Variants in C2orf80 observed in about 807,000 individuals in gnomAD.
C2orf80 encodes chromosome 2 open reading frame 80, also known as uncharacterized protein C2orf80.
In C2orf80, 28 loss-of-function variants were observed where a neutral mutation model predicts 30.2. The observed-to-expected ratio is 0.93, with a 90% CI of 0.69 to 1.27. The LOEUF (loss-of-function observed/expected upper bound fraction) is 1.27. Ranked by LOEUF, C2orf80 falls within the 50% of genes most tolerant of loss-of-function variation. C2orf80 has a pLI of 0.00. For synonymous variants in C2orf80, 80 were observed against 76.4 expected (o/e 1.05, Z -0.24); for missense variants, 220 against 231.0 (o/e 0.95, Z 0.31).
At chr2:208,189,279 A>C (rs1000921503) in intron 1 of C2orf80, among the ~76,000 whole-genome samples, 1 of 152,112 alleles carries the variant, frequency 6.6e-6, no homozygotes, top group Non-Finnish European at 1.5e-5. Context: ...TAATATTTGC[A>C]TTGCTTCGTT....
intron 3 of C2orf80, among the ~76,000 whole-genome samples, chr2:208,184,468 T>G (rs1340521612): frequency 1.3e-5 from 2 of 152,194 alleles, no homozygotes; most frequent in Non-Finnish European, 2.9e-5. Flanking sequence ...TTTGCTAATT[T>G]CTTTTGAGTT....
chr2:208,182,890 T>C (rs1453199228), intron 4 of C2orf80, 75 bp downstream of exon 4: 5 of 1,194,836 alleles, frequency 4.2e-6, no homozygotes, highest in Non-Finnish European at 5.0e-6. Flanking sequence ...TGGAAGATGT[T>C]AGGGCTGGAA....
chr2:208,180,219 G>A (rs1230550773), intron 6 of C2orf80, among the ~76,000 whole-genome samples: 1 of 152,064 alleles, frequency 6.6e-6, no homozygotes, highest in Non-Finnish European at 1.5e-5. Flanking sequence ...GGAGGCCAAG[G>A]CAAGCAGATC....
At chr2:208,174,349 G>A (rs1159657570) in intron 6 of C2orf80, among the ~76,000 whole-genome samples, 1 of 152,148 alleles carries the variant, frequency 6.6e-6, no homozygotes, top group Non-Finnish European at 1.5e-5. Context: ...AATTCGGTCT[G>A]AGTCAGCATC....
At chr2:208,185,073 C>G (rs11903894) in intron 2 of C2orf80, 41 bp from the exon 3 acceptor site, 1 of 1,483,542 alleles carries the variant, frequency 6.7e-7, no homozygotes, top group South Asian at 1.2e-5. Context: ...TGGAGTGACA[C>G]GGGCTCAGTC....
intron 3 of C2orf80, among the ~76,000 whole-genome samples, chr2:208,183,299 G>C (rs1430117323): frequency 1.5e-5 from 2 of 137,238 alleles, no homozygotes; most frequent in African/African-American, 2.6e-5. Flanking sequence ...CACTAGAGCA[G>C]TTATCTGATT....
At position 208,167,521 on chromosome 2, in the gene C2orf80, C is replaced by CA. The variant is rs573297735; in HGVS notation, c.574-1707dup. ...TGGGCAACAAAGCAAGACTCTGTCT[C>CA]AAAAAAAACAAAAAACAAACAAACA... On this transcript the variant is annotated intron_variant, in intron 8 of 8. Coordinates refer to ENST00000341287, the MANE Select transcript of C2orf80 (RefSeq NM_001099334.3). Among the ~76,000 whole-genome samples the CA allele has an allele frequency of 3.1e-4, 47 of 150,192 alleles. 1 individual carries two copies. Among genetic ancestry groups the CA allele is most frequent in the Non-Finnish European group, 3.1e-4 (21 of 67,468 alleles).
intron 3 of C2orf80, 75 bp from the exon 4 acceptor site, chr2:208,183,122 A>T: frequency 2.6e-6 from 3 of 1,137,570 alleles, no homozygotes; most frequent in Non-Finnish European, 4.0e-6. Flanking sequence ...CCCAATGACA[A>T]TGGGACTGCT....
chr2:208,166,101 G>A (rs1432822883), intron 8 of C2orf80, among the ~76,000 whole-genome samples: 6 of 152,280 alleles, frequency 3.9e-5, no homozygotes, highest in African/African-American at 1.4e-4. Context: ...GACAAAATTG[G>A]TGTATAGAGA....
chr2:208,165,700 A>C lies in C2orf80; in HGVS notation c.*107T>G. ...ACACTTCAGTGCAGTTGTACCAAAA[A>C]CAGTTGTAAAGAAAAATGTACTGGC... On this transcript the variant is annotated 3_prime_UTR_variant, in exon 9 of 9. Coordinates refer to ENST00000341287, the MANE Select transcript of C2orf80 (RefSeq NM_001099334.3). 1 of 1,506,312 alleles carries C rather than the reference A, an allele frequency of 6.6e-7. No individual in the cohort carries two copies. The highest frequency in any genetic ancestry group is 9.1e-7 in the Non-Finnish European group (1 of 1,102,120). The allele number at this position is 1,506,312 out of a possible 1,614,324, so 93.3% of individuals were successfully genotyped here. A position where few individuals can be genotyped will look rare whatever the true frequency, so the allele number is the denominator to read the frequency against.
chr2:208,187,732 G>T (rs1696759559), intron 1 of C2orf80, among the ~76,000 whole-genome samples: 1 of 151,540 alleles, frequency 6.6e-6, no homozygotes, highest in African/African-American at 2.4e-5. Context: ...TTTATTTTAT[G>T]GTTGGGCCTC....
chr2:208,188,339 T>C (rs1170166607), intron 1 of C2orf80, among the ~76,000 whole-genome samples: 2 of 152,132 alleles, frequency 1.3e-5, no homozygotes, highest in Non-Finnish European at 1.5e-5. Context: ...AATGGTACCA[T>C]ATAAACACTA....
chr2:208,184,857 T>G, intron 3 of C2orf80, 94 bp downstream of exon 3: 1 of 989,652 alleles, frequency 1.0e-6, no homozygotes, highest in Non-Finnish European at 1.5e-6. Context: ...GGTGTCAATA[T>G]TAGCCTTGTT....
At chr2:208,186,843 G>T in intron 2 of C2orf80, 103 bp downstream of exon 2, 1 of 1,027,806 alleles carries the variant, frequency 9.7e-7, no homozygotes, top group Non-Finnish European at 1.5e-6. Context: ...TGCAGAAATA[G>T]ATTCTTAGAT....
chr2:208,189,442 T>C (rs1462915322), intron 1 of C2orf80, among the ~76,000 whole-genome samples: 1 of 152,164 alleles, frequency 6.6e-6, no homozygotes, highest in Non-Finnish European at 1.5e-5. Context: ...CAGAAGACCC[T>C]GTGAGGCCAC....
chr2:208,168,818 G>T (rs1376162625), intron 8 of C2orf80, among the ~76,000 whole-genome samples: 2 of 126,258 alleles, frequency 1.6e-5, no homozygotes, highest in Non-Finnish European at 3.2e-5. Context: ...ACTAAAACAT[G>T]GGCATTTGTT....
intron 8 of C2orf80, among the ~76,000 whole-genome samples, chr2:208,169,370 T>C (rs959109404): frequency 6.6e-6 from 1 of 151,952 alleles, no homozygotes; most frequent in Non-Finnish European, 1.5e-5. Flanking sequence ...CAAACACGTA[T>C]AAAAAATGAC....
chr2:208,181,286 T>G lies in C2orf80; in HGVS notation c.226A>C (p.Arg76=), dbSNP rs765100361. The G allele has an allele frequency of 1.9e-6, 3 of 1,609,020 alleles. No homozygotes were observed. In the Admixed American group the frequency reaches 5.0e-5, roughly 27 times the overall value. Residue 76 remains arginine, a synonymous_variant, in exon 5 of 9, where the codon AGA becomes CGA. Coordinates refer to ENST00000341287, the MANE Select transcript of C2orf80 (RefSeq NM_001099334.3). ...WEELKIPLHG[R]PIYPNRRERE... is the part of the protein sequence containing the mutation. The stretch of plus-strand genomic sequence containing the variant: ...TCTCTACGATTTGGATATATGGGTC[T>G]GCCATGGAGTGGTATTTTCCTAATG...
intron 4 of C2orf80, among the ~76,000 whole-genome samples, chr2:208,181,544 T>C (rs1696560118): frequency 6.6e-6 from 1 of 152,168 alleles, no homozygotes; most frequent in African/African-American, 2.4e-5. Context: ...CAATCAAAGA[T>C]TGGCAGACTG....
Sources: allele counts gnomAD v4.1 joint callset (sites outside exome capture counted in the v4.1 genomes callset), GRCh38; gene constraint gnomAD v4.1.1; transcripts MANE v1.5; gene names NCBI Gene and HGNC (gene_info 2026-07-23, HGNC 2026-07-21).